Variants in SNTG1 observed in about 807,000 individuals in gnomAD.
SNTG1 encodes the protein gamma-1-syntrophin.
SNTG1 carries 39 observed loss-of-function variants against 74.7 expected under a neutral mutation model. That is an observed-to-expected ratio of 0.52 (90% CI 0.40 to 0.68). The LOEUF (loss-of-function observed/expected upper bound fraction) is 0.68. Ranked by LOEUF, SNTG1 falls within the 30% of genes least tolerant of loss-of-function variation. The pLI, the probability that SNTG1 is intolerant of heterozygous loss-of-function variation, is 0.00. For synonymous variants in SNTG1, 254 were observed against 217.1 expected, an observed-to-expected ratio of 1.17 and a Z score of -1.49; for missense variants, 685 against 609.5, an observed-to-expected ratio of 1.12 and a Z score of -1.30.
intron 17 of SNTG1, among the ~76,000 whole-genome samples, chr8:50,734,484 T>C (rs1394591295): frequency 6.6e-6 from 1 of 151,244 alleles, no homozygotes; most frequent in Non-Finnish European, 1.5e-5. Context: ...TCTCCCATCA[T>C]TATTGACATA....
At chr8:50,671,015 T>C (rs1449254410) in intron 15 of SNTG1, among the ~76,000 whole-genome samples, 1 of 150,660 alleles carries the variant, frequency 6.6e-6, no homozygotes, top group Admixed American at 6.6e-5. Context: ...ACTGGATCCC[T>C]TCCTTACACC....
chr8:50,164,668 A>T (rs975127839), intron 1 of SNTG1, among the ~76,000 whole-genome samples: 2 of 152,204 alleles, frequency 1.3e-5, no homozygotes, highest in African/African-American at 4.8e-5. Context: ...CAGACCCTAG[A>T]AGAGCGCAAG....
chr8:50,148,020 CAGA>C (rs1322572850), intron 1 of SNTG1, among the ~76,000 whole-genome samples: 6 of 152,086 alleles, frequency 3.9e-5, no homozygotes, highest in African/African-American at 1.2e-4. Flanking sequence ...CAGGTTATAT[CAGA>C]AGGACATGGG....
intron 2 of SNTG1, among the ~76,000 whole-genome samples, chr8:50,377,147 T>G (rs545949883): frequency 2.0e-5 from 3 of 152,132 alleles, no homozygotes; most frequent in East Asian, 3.9e-4. Context: ...GAAGGACAAT[T>G]GAGGTGAAAT....
chr8:50,186,332 G>A (rs969973813), intron 2 of SNTG1, among the ~76,000 whole-genome samples: 1 of 152,082 alleles, frequency 6.6e-6, no homozygotes, highest in African/African-American at 2.4e-5. Flanking sequence ...TATCTTTATA[G>A]TAGAATGATT....
chr8:50,107,794 GC>G (rs2080436293), intron 1 of SNTG1, among the ~76,000 whole-genome samples: 1 of 151,916 alleles, frequency 6.6e-6, no homozygotes, highest in Non-Finnish European at 1.5e-5. Flanking sequence ...CAAGTGATCT[GC>G]CCACCTAAGC....
At chr8:50,289,892 G>A (rs1485801282) in intron 2 of SNTG1, among the ~76,000 whole-genome samples, 1 of 152,070 alleles carries the variant, frequency 6.6e-6, no homozygotes, top group Non-Finnish European at 1.5e-5. Flanking sequence ...TTATAGCAAG[G>A]GAATGCACGG....
chr8:50,303,471 A>G (rs1347619212), intron 2 of SNTG1, among the ~76,000 whole-genome samples: 1 of 152,050 alleles, frequency 6.6e-6, no homozygotes, highest in Non-Finnish European at 1.5e-5. Context: ...CTTAAAAATA[A>G]TATAAAACTT....
At chr8:50,109,437 G>A (rs2080499095) in intron 1 of SNTG1, among the ~76,000 whole-genome samples, 1 of 152,100 alleles carries the variant, frequency 6.6e-6, no homozygotes, top group Admixed American at 6.6e-5. Flanking sequence ...CCTCAATGGA[G>A]AGTATAAAAC....
intron 2 of SNTG1, among the ~76,000 whole-genome samples, chr8:50,189,602 G>C (rs567378568): frequency 6.6e-6 from 1 of 152,194 alleles, no homozygotes; most frequent in South Asian, 2.1e-4. Context: ...GTGGGTAAAG[G>C]ATACTCTGTG....
chr8:50,653,752 C>T (rs190194989), intron 13 of SNTG1, among the ~76,000 whole-genome samples: 69 of 152,244 alleles, frequency 4.5e-4, no homozygotes, highest in African/African-American at 9.9e-4. Flanking sequence ...GTATTTTGTA[C>T]GCCCTTGAAT....
At chr8:50,611,717 GTT>G (rs1442580385) in intron 13 of SNTG1, among the ~76,000 whole-genome samples, 1 of 152,092 alleles carries the variant, frequency 6.6e-6, no homozygotes, top group African/African-American at 2.4e-5. Context: ...GAGTCCAAGA[GTT>G]TCAGTTTAGT....
At chr8:50,434,680 A>T (rs536517291) in intron 4 of SNTG1, among the ~76,000 whole-genome samples, 143 of 152,322 alleles carry the variant, frequency 9.4e-4, no homozygotes, top group Non-Finnish European at 1.6e-3. Context: ...GGCTGCATAA[A>T]TGTCATCTTT....
At chr8:50,132,701 A>T (rs988798255) in intron 1 of SNTG1, among the ~76,000 whole-genome samples, 12 of 152,138 alleles carry the variant, frequency 7.9e-5, no homozygotes, top group African/African-American at 2.7e-4. Context: ...ACCCATTTTT[A>T]TACCCTAGAA....
chr8:49,955,816 G>A (rs948312331), intron 1 of SNTG1, among the ~76,000 whole-genome samples: 6 of 152,172 alleles, frequency 3.9e-5, no homozygotes, highest in Non-Finnish European at 5.9e-5. Flanking sequence ...CCCTCGCTGT[G>A]TCATCATGGA....
At chr8:50,590,846 C>T in intron 12 of SNTG1, 33 bp from the exon 13 acceptor site, 2 of 1,421,700 alleles carry the variant, frequency 1.4e-6, no homozygotes, top group Non-Finnish European at 1.9e-6. Context: ...ATCTATTGTT[C>T]TTCTCACTTT....
At chr8:49,976,422 TG>T (rs34598959) in intron 1 of SNTG1, among the ~76,000 whole-genome samples, 1 of 152,194 alleles carries the variant, frequency 6.6e-6, no homozygotes, top group Non-Finnish European at 1.5e-5. Context: ...TGCCAGGTTG[TG>T]GGGCTGAATA....
At position 50,785,610 on chromosome 8, in the gene SNTG1, C is replaced by T. The variant is rs150275498; in HGVS notation, c.1396-7061C>T. On this transcript the variant is annotated intron_variant, in intron 18 of 18. Coordinates refer to ENST00000642720, the MANE Select transcript of SNTG1 (RefSeq NM_018967.5). ...TTAAACAATGAAAAAACAATTATTA[C>T]CAATCTTTCACAATCTTTTCAAAAT... Among the ~76,000 whole-genome samples the T allele has an allele frequency of 3.7e-3, 563 of 152,134 alleles. 4 individuals carry two copies. Among genetic ancestry groups the T allele is most frequent in the African/African-American group, 0.013 (521 of 41,556 alleles).
intron 10 of SNTG1, among the ~76,000 whole-genome samples, chr8:50,530,677 C>A (rs1008346247): frequency 6.6e-6 from 1 of 152,028 alleles, no homozygotes; most frequent in African/African-American, 2.4e-5. Context: ...TCACAGTAAG[C>A]AATTACTGCA....
Sources: allele counts gnomAD v4.1 joint callset (sites outside exome capture counted in the v4.1 genomes callset), GRCh38; gene constraint gnomAD v4.1.1; transcripts MANE v1.5; gene names NCBI Gene and HGNC (gene_info 2026-07-23, HGNC 2026-07-21).